Variants in PKD2L1 observed in about 807,000 individuals in gnomAD.
PKD2L1 encodes the protein polycystin-2-like protein 1.
PKD2L1 carries 77 observed loss-of-function variants against 93.0 expected under a neutral mutation model. The observed-to-expected ratio is 0.83, with a 90% CI of 0.69 to 1.00. The LOEUF is 1.00. PKD2L1 is among the 50% of genes least tolerant of loss of function. The probability of loss-of-function intolerance (pLI) is 0.00; values close to 1 mark genes in which losing one functional copy is unlikely to be tolerated. For synonymous variants in PKD2L1, 390 were observed against 388.0 expected, an observed-to-expected ratio of 1.01 and a Z score of -0.06; for missense variants, 977 against 990.9, an observed-to-expected ratio of 0.99 and a Z score of 0.19.
chr10:100,304,827 G>A (rs746809482), intron 2 of PKD2L1, among the ~76,000 whole-genome samples: 5 of 152,120 alleles, frequency 3.3e-5, no homozygotes, highest in Admixed American at 6.5e-5. Context: ...TGAGGAAGAC[G>A]TGTCCCAGAA....
At chr10:100,325,988 CACTGCTTAACCAGCATGCTAT>C (rs1437088482) in intron 2 of PKD2L1, among the ~76,000 whole-genome samples, 1 of 152,156 alleles carries the variant, frequency 6.6e-6, no homozygotes, top group East Asian at 1.9e-4. Context: ...TTCAGAGCCT[CACTGCTTAACCAGCATGCTAT>C]ACTGCCACCA....
At chr10:100,308,058 G>A (rs1848845312) in intron 2 of PKD2L1, among the ~76,000 whole-genome samples, 1 of 152,080 alleles carries the variant, frequency 6.6e-6, no homozygotes, top group Non-Finnish European at 1.5e-5. Context: ...TGTGCGAAGG[G>A]GTTTCAGAGA....
chr10:100,301,085 T>C (rs1299540863), intron 2 of PKD2L1, among the ~76,000 whole-genome samples: 1 of 152,196 alleles, frequency 6.6e-6, no homozygotes, highest in Non-Finnish European at 1.5e-5. Context: ...TGATGCCCCC[T>C]GAGCCGTAAA....
At chr10:100,321,890 G>GGAAGCAAGCAA (rs1849264571) in intron 2 of PKD2L1, among the ~76,000 whole-genome samples, 1 of 1,928 alleles carries the variant, frequency 5.2e-4, no homozygotes, top group Non-Finnish European at 2.8e-3. Context: ...GAGGGAGGGA[G>GGAAGCAAGCAA]GGAGGGAAGG....
chr10:100,290,360 G>A, intron 13 of PKD2L1, 41 bp downstream of exon 13: 1 of 1,391,364 alleles, frequency 7.2e-7, no homozygotes, highest in East Asian at 2.3e-5. Context: ...CGTAATAGAA[G>A]TGTTGCCAGC....
rs1378906930 is a variant in PKD2L1, at chr10:100,311,583, C to A, written c.350-11865G>T. ...CCAGCTCAGAGCAGTAAGAAGTCACCAGTGCTGACTTCAGTCGGAAACTTT... is the reference window on the plus strand; with the variant it reads ...CCAGCTCAGAGCAGTAAGAAGTCACAAGTGCTGACTTCAGTCGGAAACTTT... On this transcript the variant is annotated intron_variant, in intron 2 of 15. Coordinates refer to ENST00000318222, the MANE Select transcript of PKD2L1 (RefSeq NM_016112.3). Among the ~76,000 whole-genome samples, 3 of 152,164 alleles carry A rather than the reference C, an allele frequency of 2.0e-5. No homozygotes were observed. In the East Asian group the frequency reaches 5.8e-4, roughly 29 times the overall value.
chr10:100,316,035 T>A (rs898225357), intron 2 of PKD2L1, among the ~76,000 whole-genome samples: 5 of 152,210 alleles, frequency 3.3e-5, no homozygotes, highest in Non-Finnish European at 7.3e-5. Flanking sequence ...TTCCCAGCTC[T>A]CCCTGACCAC....
intron 6 of PKD2L1, among the ~76,000 whole-genome samples, chr10:100,296,714 G>C (rs918510191): frequency 1.3e-5 from 2 of 151,672 alleles, no homozygotes; most frequent in African/African-American, 4.8e-5. Context: ...CAAAAGACAA[G>C]AGAGGAGCAG....
In PKD2L1 at chr10:100,296,989, C is replaced by G. The variant is rs1196591933; in HGVS notation, c.1176G>C (p.Val392=). Residue 392 remains valine (V), a synonymous_variant, in exon 6 of 16, where the codon GTG becomes GTC. Transcript: ENST00000318222. ...LSSIWNILDL[V]VILLSIVAVG... is the part of the protein sequence containing the mutation. ...GATATCTGTCCCTCACCAAGATGAC[C>G]ACCAGGTCCAGTATGTTCCAGATGC... The G allele has an allele frequency of 1.9e-6, 3 of 1,611,004 alleles. No homozygotes were observed. Among genetic ancestry groups the G allele is most frequent in the Middle Eastern group, 3.3e-4 (2 of 6,054 alleles).
chr10:100,315,390 C>T (rs552858808), intron 2 of PKD2L1, among the ~76,000 whole-genome samples: 93 of 152,138 alleles, frequency 6.1e-4, no homozygotes, highest in South Asian at 4.2e-3. Context: ...AAGACCTGCA[C>T]GCATTAGATA....
At chr10:100,312,643 G>C (rs1200692049) in intron 2 of PKD2L1, among the ~76,000 whole-genome samples, 1 of 152,134 alleles carries the variant, frequency 6.6e-6, no homozygotes, top group Non-Finnish European at 1.5e-5. Context: ...ATCAAACAAG[G>C]AGGCTGCTGG....
chr10:100,289,031 G>T lies in PKD2L1; in HGVS notation c.2276C>A (p.Pro759Gln), dbSNP rs370879270. ...GVKEQAIWKH[P>Q]QPAPAVTPDP... is the part of the protein sequence containing the mutation. ...TGGGGTCACAGCTGGGGCTGGCTGC[G>T]GGTGCTTCCAAATAGCTTGTTCCTT... Residue 759 changes from proline to glutamine, a missense_variant, in exon 15 of 16, where the codon CCG becomes CAG. By Grantham distance (76) the Pro-to-Gln change is moderately conservative. Transcript: ENST00000318222. 7 of 1,612,960 alleles carry T rather than the reference G, an allele frequency of 4.3e-6. No homozygotes were observed. Among genetic ancestry groups the T allele is most frequent in the Non-Finnish European group, 5.9e-6 (7 of 1,179,214 alleles).
chr10:100,302,764 A>C (rs1164097512), intron 2 of PKD2L1, among the ~76,000 whole-genome samples: 1 of 152,130 alleles, frequency 6.6e-6, no homozygotes, highest in Non-Finnish European at 1.5e-5. Context: ...GTTCTGAAGC[A>C]AAAAAAGAAA....
At chr10:100,299,292 T>G (rs1158523130) in intron 3 of PKD2L1, among the ~76,000 whole-genome samples, 2 of 152,136 alleles carry the variant, frequency 1.3e-5, no homozygotes, top group Non-Finnish European at 2.9e-5. Context: ...CAATGAACCT[T>G]GACCAGAGTC....
intron 2 of PKD2L1, among the ~76,000 whole-genome samples, chr10:100,303,063 T>A (rs1489848176): frequency 6.6e-6 from 1 of 152,130 alleles, no homozygotes; most frequent in Non-Finnish European, 1.5e-5. Context: ...AAAGAGAGAA[T>A]GAGAAAGGAG....
rs1428421054 is a variant in PKD2L1 at position 100,295,094 on chromosome 10, G to A, written c.1386C>T (p.Thr462=). The A allele has an allele frequency of 5.6e-6, 9 of 1,614,046 alleles. No homozygotes were observed. In the East Asian group the frequency reaches 2.0e-4, roughly 36 times the overall value. Residue 462 remains threonine, a synonymous_variant, in exon 8 of 16, where the codon ACC becomes ACT. Transcript: ENST00000318222. The part of the protein sequence containing the change: ...KIFKYISFNK[T]MTQLSSTLAR... Reference sequence around the variant, plus strand: ...CCAGCGTGGAGGAGAGCTGGGTCATGGTTTTGTTGAAGCTGATGTACTTGA... The same window carrying A: ...CCAGCGTGGAGGAGAGCTGGGTCATAGTTTTGTTGAAGCTGATGTACTTGA...
At chr10:100,299,570 T>C in intron 3 of PKD2L1, 21 bp downstream of exon 3, 1 of 1,611,012 alleles carries the variant, frequency 6.2e-7, no homozygotes. Flanking sequence ...AGGGGAGGGG[T>C]AGAAAAGATC....
chr10:100,300,505 G>A (rs577567572), intron 2 of PKD2L1, among the ~76,000 whole-genome samples: 4 of 152,264 alleles, frequency 2.6e-5, no homozygotes, highest in African/African-American at 9.6e-5. Context: ...ACTAAGTTTT[G>A]TTTACAAAGC....
chr10:100,310,248 T>C (rs542799384), intron 2 of PKD2L1, among the ~76,000 whole-genome samples: 55 of 151,850 alleles, frequency 3.6e-4, no homozygotes, highest in Non-Finnish European at 5.6e-4. Flanking sequence ...GGCAGGAGGG[T>C]GCTTGAGCCC....
Sources: gnomAD v4.1 joint callset for allele counts (sites outside exome capture counted in the v4.1 genomes callset) on GRCh38, gnomAD v4.1.1 for gene constraint, MANE v1.5 for transcripts, NCBI Gene and HGNC (gene_info 2026-07-23, HGNC 2026-07-21) for gene names.